Variants in CYSTM1 observed in about 807,000 individuals in gnomAD.
CYSTM1 encodes cysteine rich transmembrane module containing 1.
In CYSTM1, 4 loss-of-function variants were observed where a neutral mutation model predicts 13.1. The observed-to-expected ratio is 0.31, with a 90% CI of 0.15 to 0.70. The LOEUF is 0.70. CYSTM1 is among the 30% of genes least tolerant of loss of function. The probability of loss-of-function intolerance (pLI) is 0.72; values close to 1 mark genes in which losing one functional copy is unlikely to be tolerated. For synonymous variants in CYSTM1, 36 were observed against 42.7 expected, an observed-to-expected ratio of 0.84 and a Z score of 0.62; for missense variants, 96 against 121.6, an observed-to-expected ratio of 0.79 and a Z score of 0.99.
intron 2 of CYSTM1, among the ~76,000 whole-genome samples, chr5:140,199,169 G>T (rs1764189533): frequency 6.6e-6 from 1 of 152,178 alleles, no homozygotes. Flanking sequence ...GTATTCCATG[G>T]TGTATATGTG....
At chr5:140,199,350 T>A (rs1764198951) in intron 2 of CYSTM1, among the ~76,000 whole-genome samples, 1 of 152,228 alleles carries the variant, frequency 6.6e-6, no homozygotes, top group Admixed American at 6.5e-5. Context: ...TCAAATGGTA[T>A]TTCTGGTTCT....
At chr5:140,177,059 ACT>A (rs1442716089) in intron 1 of CYSTM1, among the ~76,000 whole-genome samples, 5 of 118,172 alleles carry the variant, frequency 4.2e-5, no homozygotes, top group Admixed American at 9.4e-5. Context: ...ACAGAGCGAG[ACT>A]CTGTCTCAAA....
chr5:140,193,806 A>T (rs373758357), intron 1 of CYSTM1, among the ~76,000 whole-genome samples: 2 of 152,302 alleles, frequency 1.3e-5, no homozygotes, highest in East Asian at 3.9e-4. Context: ...AGGGGCCTGG[A>T]TGGGCAGAGG....
chr5:140,199,953 A>G (rs890810293), intron 2 of CYSTM1, among the ~76,000 whole-genome samples: 4 of 152,032 alleles, frequency 2.6e-5, no homozygotes, highest in East Asian at 3.8e-4. Context: ...TTCTTTGCCC[A>G]CTTTTTGATG....
chr5:140,202,307 C>T (rs1764243337), intron 2 of CYSTM1: 1 of 152,126 alleles, frequency 6.6e-6, no homozygotes. Flanking sequence ...ATAAAATGAA[C>T]TCTGGAAACA....
chr5:140,243,631 G>T lies in CYSTM1; in HGVS notation c.*220G>T, dbSNP rs1764780203. On this transcript the variant is annotated 3_prime_UTR_variant, in exon 3 of 3. Transcript: ENST00000261811. ...AATCCATTTCTTATTGATCTTTAAA[G>T]ATGTGCTAAATGACTTTTTTGGCCA... 4.7e-6 allele frequency: 2 copies of T among 427,890 alleles called. No individual in the cohort carries two copies. The highest frequency in any genetic ancestry group is 8.3e-6 in the Non-Finnish European group (2 of 241,940). 26.5% of individuals were successfully genotyped at this position (427,890 alleles called of 1,614,324 possible).
At position 140,243,401 on chromosome 5, in the gene CYSTM1, T is replaced by C; in HGVS notation, c.284T>C (p.Met95Thr). Residue 95 changes from methionine to threonine, a missense_variant, in exon 3 of 3, where the codon ATG becomes ACG. By Grantham distance (81) the Met-to-Thr change is moderately conservative. Coordinates refer to ENST00000261811, the MANE Select transcript of CYSTM1 (RefSeq NM_032412.4). ...TALCCCCLWD[M>T]LT ...CTCTGTTGCTGCTGTCTCTGGGACA[T>C]GCTCACCTGACCAGACCAGCCCAGC... 4 of 1,614,038 alleles carry C rather than the reference T, an allele frequency of 2.5e-6. No individual in the cohort carries two copies. In the South Asian group the frequency reaches 3.3e-5, roughly 13 times the overall value.
intron 2 of CYSTM1, among the ~76,000 whole-genome samples, chr5:140,243,045 T>C (rs1290375870): frequency 6.6e-6 from 1 of 152,204 alleles, no homozygotes; most frequent in Non-Finnish European, 1.5e-5. Flanking sequence ...TGCCTTGGCA[T>C]GGGGCCATTC....
rs1315964447 is a variant in CYSTM1, at chr5:140,207,214, C to T, written c.187+12562C>T. On this transcript the variant is annotated intron_variant, in intron 2 of 2. Transcript: ENST00000261811. ...GAAGAGAGAGAGAGAGCTCTGGTGGCCACAGAACCGTCTTCTCTGGCCCCT... is the reference window on the plus strand; with the variant it reads ...GAAGAGAGAGAGAGAGCTCTGGTGGTCACAGAACCGTCTTCTCTGGCCCCT... Among the ~76,000 whole-genome samples the T allele has an allele frequency of 2.6e-5, 4 of 152,158 alleles. No individual in the cohort carries two copies. The South Asian group carries it at 8.3e-4, about 32-fold the overall frequency.
At position 140,230,364 on chromosome 5, in the gene CYSTM1, A is replaced by C. The variant is rs1764605211; in HGVS notation, c.188-12941A>C. 6.6e-6 allele frequency among the ~76,000 whole-genome samples: 1 copy of C among 152,200 alleles called. No homozygotes were observed. Among genetic ancestry groups the C allele is most frequent in the Non-Finnish European group, 1.5e-5 (1 of 68,028 alleles). ...AGAAATGCTTTTATTATAAGTTAAC[A>C]ATTAGACAGGATTCCAGCTCAAATC... On this transcript the variant is annotated intron_variant, in intron 2 of 2. Transcript: ENST00000261811. The surrounding 1 kb of genome is among the most constrained non-coding windows in gnomAD (Gnocchi z 4.1).
At chr5:140,229,346 C>T (rs1214976117) in intron 2 of CYSTM1, among the ~76,000 whole-genome samples, 1 of 151,988 alleles carries the variant, frequency 6.6e-6, no homozygotes, top group Non-Finnish European at 1.5e-5. Context: ...AGGCACGCGC[C>T]ACCATACCCT....
intron 1 of CYSTM1, among the ~76,000 whole-genome samples, chr5:140,189,649 T>A (rs1764066380): frequency 6.6e-6 from 1 of 152,186 alleles, no homozygotes; most frequent in African/African-American, 2.4e-5. Flanking sequence ...TTGGGGTCAT[T>A]TTCTACTGTG....
chr5:140,243,227 TG>T, intron 2 of CYSTM1, 77 bp from the exon 3 acceptor site: 1 of 1,146,536 alleles, frequency 8.7e-7, no homozygotes, highest in Non-Finnish European at 1.3e-6. Flanking sequence ...AGCCTTCCTG[TG>T]GTCCTGGGAG....
At chr5:140,218,192 T>C (rs1764454001) in intron 2 of CYSTM1, among the ~76,000 whole-genome samples, 1 of 152,050 alleles carries the variant, frequency 6.6e-6, no homozygotes, top group Non-Finnish European at 1.5e-5. Context: ...CCACAGGGAG[T>C]TGGACTAAGG....
chr5:140,206,642 C>G (rs1336764696), intron 2 of CYSTM1, among the ~76,000 whole-genome samples: 11 of 120,604 alleles, frequency 9.1e-5, no homozygotes, highest in Admixed American at 5.0e-4. Context: ...TTGTTTGTTT[C>G]TTTTTTGAGA....
At chr5:140,223,040 A>G (rs1264118391) in intron 2 of CYSTM1, among the ~76,000 whole-genome samples, 1 of 152,168 alleles carries the variant, frequency 6.6e-6, no homozygotes, top group African/African-American at 2.4e-5. Context: ...TCTCTGCCTC[A>G]GTGCTGTATT....
intron 2 of CYSTM1, among the ~76,000 whole-genome samples, chr5:140,233,616 C>T (rs1054622301): frequency 2.0e-5 from 3 of 152,168 alleles, no homozygotes; most frequent in Admixed American, 6.5e-5. Context: ...ATGAGAGTTC[C>T]GGTGGCTCTG....
chr5:140,225,385 A>C (rs984767709), intron 2 of CYSTM1, among the ~76,000 whole-genome samples: 1 of 151,966 alleles, frequency 6.6e-6, no homozygotes, highest in African/African-American at 2.4e-5. Flanking sequence ...AGTGGGAGGG[A>C]GTTGGGGAAG....
intron 2 of CYSTM1, among the ~76,000 whole-genome samples, chr5:140,224,056 G>A (rs993746941): frequency 1.3e-5 from 2 of 152,194 alleles, no homozygotes; most frequent in Admixed American, 1.3e-4. Flanking sequence ...ATCCCTGTAC[G>A]TACTCTCCAG....
Sources: gnomAD v4.1 joint callset for allele counts (sites outside exome capture counted in the v4.1 genomes callset) on GRCh38, gnomAD v4.1.1 for gene constraint, Gnocchi (gnomAD v3.1) non-coding constraint, MANE v1.5 for transcripts, NCBI Gene and HGNC (gene_info 2026-07-23, HGNC 2026-07-21) for gene names.